Variants in TRPS1 observed in about 807,000 individuals in gnomAD.
TRPS1 encodes the protein zinc finger transcription factor Trps1.
Under a neutral mutation model 101.2 loss-of-function variants are expected in TRPS1, and 6 were observed. The observed-to-expected ratio is 0.06, with a 90% CI of 0.03 to 0.12. TRPS1 has a LOEUF of 0.12. Ranked by LOEUF, TRPS1 falls within the 10% of genes least tolerant of loss-of-function variation. The pLI is 1.00. For synonymous variants in TRPS1, 578 were observed against 589.8 expected, an observed-to-expected ratio of 0.98 and a Z score of 0.29; for missense variants, 1,363 against 1,567.0, an observed-to-expected ratio of 0.87 and a Z score of 2.20.
At chr8:115,545,640 TA>T (rs1279055032) in intron 5 of TRPS1, among the ~76,000 whole-genome samples, 10 of 152,216 alleles carry the variant, frequency 6.6e-5, no homozygotes, top group South Asian at 4.2e-4. Context: ...GTACTTACTT[TA>T]AAAAAATATT....
intron 1 of TRPS1, among the ~76,000 whole-genome samples, chr8:115,644,947 C>T (rs1818988552): frequency 6.6e-6 from 1 of 152,052 alleles, no homozygotes; most frequent in African/African-American, 2.4e-5. Flanking sequence ...TACGTGGGTA[C>T]CATTCATGGC....
At chr8:115,573,568 G>A (rs1409853783) in intron 5 of TRPS1, among the ~76,000 whole-genome samples, 2 of 152,044 alleles carry the variant, frequency 1.3e-5, no homozygotes, top group African/African-American at 4.8e-5. Context: ...GCCTACTAAT[G>A]AGTCTTCGTC....
At chr8:115,601,368 TCAAGTTCTAAACATC>T (rs2130483282) in intron 4 of TRPS1, among the ~76,000 whole-genome samples, 1 of 152,296 alleles carries the variant, frequency 6.6e-6, no homozygotes, top group African/African-American at 2.4e-5. Flanking sequence ...TGATAGCAGA[TCAAGTTCTAAACATC>T]CACGTGACTA....
chr8:115,639,664 A>C (rs1818850709), intron 1 of TRPS1, among the ~76,000 whole-genome samples: 1 of 104,194 alleles, frequency 9.6e-6, no homozygotes, highest in African/African-American at 7.2e-5. Context: ...CCCAATCTCT[A>C]CAAAAAAAAA....
At chr8:115,533,434 C>CTGT (rs1816186206) in intron 5 of TRPS1, among the ~76,000 whole-genome samples, 1 of 32,330 alleles carries the variant, frequency 3.1e-5, no homozygotes. Flanking sequence ...CACATGTAAT[C>CTGT]TGTTTTTTTT....
intron 5 of TRPS1, among the ~76,000 whole-genome samples, chr8:115,440,372 A>G (rs1001665156): frequency 6.6e-6 from 1 of 152,224 alleles, no homozygotes; most frequent in Non-Finnish European, 1.5e-5. Context: ...TTCAAAGGGA[A>G]TTCTTGCATT....
intron 5 of TRPS1, among the ~76,000 whole-genome samples, chr8:115,486,799 TG>T (rs1206798699): frequency 6.6e-6 from 1 of 152,186 alleles, no homozygotes; most frequent in African/African-American, 2.4e-5. Flanking sequence ...TAGCAGAGGT[TG>T]GTTCATGAGG....
At chr8:115,463,987 C>T (rs529603197) in intron 5 of TRPS1, among the ~76,000 whole-genome samples, 4 of 151,960 alleles carry the variant, frequency 2.6e-5, no homozygotes, top group African/African-American at 4.8e-5. Flanking sequence ...TATCTCTCTC[C>T]CCAATTCCCA....
chr8:115,468,173 T>C (rs1264665282), intron 5 of TRPS1, among the ~76,000 whole-genome samples: 1 of 152,218 alleles, frequency 6.6e-6, no homozygotes, highest in Admixed American at 6.5e-5. Context: ...TTCATATTTT[T>C]AAATAGTGAA....
chr8:115,582,622 C>T (rs1817476933), intron 5 of TRPS1, among the ~76,000 whole-genome samples: 2 of 152,244 alleles, frequency 1.3e-5, no homozygotes, highest in Admixed American at 1.3e-4. Flanking sequence ...CCTCTCCAAG[C>T]GACAGATGAA....
At chr8:115,642,313 T>C (rs1420452437) in intron 1 of TRPS1, among the ~76,000 whole-genome samples, 3 of 120 alleles carry the variant, frequency 0.025, no homozygotes, top group Non-Finnish European at 0.038. Context: ...ATATCCGATA[T>C]GAATCCAACA....
chr8:115,516,708 AAG>A (rs1389578419), intron 5 of TRPS1, among the ~76,000 whole-genome samples: 1 of 151,556 alleles, frequency 6.6e-6, no homozygotes. Flanking sequence ...AGAAGTAGGC[AAG>A]GTAGTATAGT....
chr8:115,663,466 G>T (rs1383331043), intron 1 of TRPS1, among the ~76,000 whole-genome samples: 1 of 151,930 alleles, frequency 6.6e-6, no homozygotes, highest in Non-Finnish European at 1.5e-5. Context: ...CTAGCCACTT[G>T]TAAAGTATTT....
At chr8:115,637,717 T>A (rs995761491) in intron 1 of TRPS1, among the ~76,000 whole-genome samples, 1 of 152,228 alleles carries the variant, frequency 6.6e-6, no homozygotes, top group African/African-American at 2.4e-5. Context: ...ATCCCATAAA[T>A]GAGTAGGTGC....
At chr8:115,655,431 G>A (rs1811655881) in intron 1 of TRPS1, among the ~76,000 whole-genome samples, 1 of 152,030 alleles carries the variant, frequency 6.6e-6, no homozygotes, top group African/African-American at 2.4e-5. Flanking sequence ...GAATAGATGG[G>A]GGCCAGCTCT....
At chr8:115,668,195 G>A (rs1351205967) in intron 1 of TRPS1, 2 of 491,432 alleles carry the variant, frequency 4.1e-6, no homozygotes, top group Non-Finnish European at 7.3e-6. Context: ...AGATGCCTCA[G>A]ACCCACCAAA....
In TRPS1 at chr8:115,473,659, T is replaced by G. The variant is rs183446528; in HGVS notation, c.2701-55207A>C. ...TCAAGATGATAGCTGATCTTTCACT[T>G]GTGTTGACCAAATGGCTTATGCTTA... On this transcript the variant is annotated intron_variant, in intron 5 of 6. Transcript: ENST00000395715. 2.6e-5 allele frequency among the ~76,000 whole-genome samples: 4 copies of G among 152,344 alleles called. No individual in the cohort carries two copies. In the East Asian group the frequency reaches 5.8e-4, roughly 22 times the overall value.
At chr8:115,557,714 A>T (rs1343498209) in intron 5 of TRPS1, among the ~76,000 whole-genome samples, 1 of 152,156 alleles carries the variant, frequency 6.6e-6, no homozygotes, top group Admixed American at 6.6e-5. Context: ...CAAATTACCC[A>T]GTCTTGGATA....
intron 4 of TRPS1, among the ~76,000 whole-genome samples, chr8:115,598,184 T>C (rs929913026): frequency 2.0e-5 from 3 of 152,236 alleles, no homozygotes; most frequent in African/African-American, 7.2e-5. Flanking sequence ...TTGGAAGTTA[T>C]GCATTCATTT....
Sources: allele counts gnomAD v4.1 joint callset (sites outside exome capture counted in the v4.1 genomes callset), GRCh38; gene constraint gnomAD v4.1.1; transcripts MANE v1.5; gene names NCBI Gene and HGNC (gene_info 2026-07-23, HGNC 2026-07-21).